KAZN: variants seen among roughly 807,000 people sequenced by gnomAD.
KAZN encodes kazrin.
In KAZN, 40 loss-of-function variants were observed where a neutral mutation model predicts 87.4. The ratio of observed to expected loss-of-function variants is 0.46; its 90% CI spans 0.36 to 0.60. The LOEUF (loss-of-function observed/expected upper bound fraction) is 0.60, where lower values mean the gene tolerates loss of function less well. KAZN is among the 20% of genes least tolerant of loss of function. The pLI is 0.00. For synonymous variants in KAZN, 466 were observed against 458.3 expected, an observed-to-expected ratio of 1.02 and a Z score of -0.22; for missense variants, 898 against 1,073.9, an observed-to-expected ratio of 0.84 and a Z score of 2.29.
rs142381061 is a variant in KAZN, at chr1:14,117,420, C to G, written c.92-63015C>G. The stretch of plus-strand genomic sequence containing the variant: ...GTTGACTGCTGCTATGTGAGACATG[C>G]CTTTCACCTTCCGCCATGATTGTGA... On this transcript the variant is annotated intron_variant, in intron 1 of 16. Coordinates refer to the KAZN transcript ENST00000636203. Among the ~76,000 whole-genome samples, 624 of 152,294 alleles carry G rather than the reference C, an allele frequency of 4.1e-3. 3 individuals carry two copies. The highest frequency in any genetic ancestry group is 6.8e-3 in the Middle Eastern group (2 of 294).
chr1:15,101,816 A>G, intron 11 of KAZN, 42 bp downstream of exon 11: 3 of 1,330,048 alleles, frequency 2.3e-6, no homozygotes, highest in Non-Finnish European at 3.2e-6. Flanking sequence ...TCCACTGCCC[A>G]CCCCTCCCCT....
chr1:14,736,842 CTTCATTCA>C (rs558606219), intron 1 of KAZN, among the ~76,000 whole-genome samples: 4 of 152,124 alleles, frequency 2.6e-5, no homozygotes, highest in African/African-American at 7.2e-5. Flanking sequence ...ATAGCTCCCA[CTTCATTCA>C]TTCATTCATT....
In KAZN at chr1:14,558,318, C is replaced by T. The variant is rs148464524; in HGVS notation, c.250-40665C>T. On this transcript the variant is annotated intron_variant, in intron 2 of 16. Coordinates refer to the KAZN transcript ENST00000636203. ...AGAAGGTAAATGGACCAGCTGGGCT[C>T]AGCTGCAAGTACCAATACTGTGTGT... Among the ~76,000 whole-genome samples, 112 of 152,302 alleles carry T rather than the reference C, an allele frequency of 7.4e-4. 2 individuals carry two copies. In the East Asian group the frequency reaches 0.02, roughly 27 times the overall value.
intron 1 of KAZN, among the ~76,000 whole-genome samples, chr1:14,788,912 T>G (rs1318519142): frequency 6.6e-6 from 1 of 152,104 alleles, no homozygotes; most frequent in Non-Finnish European, 1.5e-5. Flanking sequence ...ATCCCATGGG[T>G]TAAGATCTCC....
intron 2 of KAZN, among the ~76,000 whole-genome samples, chr1:14,271,750 C>T (rs575178473): frequency 1.3e-5 from 2 of 152,228 alleles, no homozygotes; most frequent in South Asian, 4.1e-4. Context: ...GGTCATTGGC[C>T]ATCCCTGATT....
At chr1:14,799,576 A>G (rs896829388) in intron 1 of KAZN, among the ~76,000 whole-genome samples, 1 of 152,212 alleles carries the variant, frequency 6.6e-6, no homozygotes, top group Non-Finnish European at 1.5e-5. Context: ...TGTTAAAATG[A>G]TCAGAAACGG....
At chr1:14,284,978 C>T (rs1653125970) in intron 2 of KAZN, among the ~76,000 whole-genome samples, 1 of 152,188 alleles carries the variant, frequency 6.6e-6, no homozygotes, top group South Asian at 2.1e-4. Flanking sequence ...TTGCCCCCTA[C>T]TCTCCAGAGA....
chr1:14,450,451 G>A (rs559454017), intron 2 of KAZN, among the ~76,000 whole-genome samples: 5 of 152,102 alleles, frequency 3.3e-5, no homozygotes, highest in African/African-American at 7.2e-5. Flanking sequence ...TTAGCCAGAC[G>A]TGGTGGCAGG....
chr1:14,863,285 A>C (rs1337591942), intron 1 of KAZN, among the ~76,000 whole-genome samples: 2 of 152,214 alleles, frequency 1.3e-5, no homozygotes, highest in Non-Finnish European at 1.5e-5. Flanking sequence ...GTGCTCCAAG[A>C]GTCCAAAGAG....
upstream of KAZN, among the ~76,000 whole-genome samples, chr1:14,594,800 C>G (rs572298813): frequency 6.6e-6 from 1 of 152,298 alleles, no homozygotes; most frequent in South Asian, 2.1e-4. Context: ...CCCCCATAGA[C>G]AGGCAAATGG....
intron 1 of KAZN, among the ~76,000 whole-genome samples, chr1:14,730,883 G>A (rs527415854): frequency 6.6e-6 from 1 of 152,190 alleles, no homozygotes; most frequent in East Asian, 1.9e-4. Context: ...CCAAGATGGT[G>A]GCCCTCCCTC....
intron 1 of KAZN, among the ~76,000 whole-genome samples, chr1:14,749,323 T>G (rs1644349076): frequency 6.6e-6 from 1 of 152,216 alleles, no homozygotes; most frequent in Admixed American, 6.5e-5. Flanking sequence ...CTTTCTCCCA[T>G]ACTACCATAA....
chr1:14,396,495 T>C (rs1045189161), intron 2 of KAZN, among the ~76,000 whole-genome samples: 4 of 152,202 alleles, frequency 2.6e-5, no homozygotes, highest in African/African-American at 7.2e-5. Flanking sequence ...TTCTGGAGCA[T>C]TGGCAATGCC....
chr1:14,761,970 T>A (rs1644752694), intron 1 of KAZN, among the ~76,000 whole-genome samples: 1 of 149,316 alleles, frequency 6.7e-6, no homozygotes, highest in Non-Finnish European at 1.5e-5. Context: ...AACAGATGCA[T>A]CCTGTGTGTG....
chr1:14,294,516 A>G lies in KAZN; in HGVS notation c.249+113924A>G, dbSNP rs142190042. Among the ~76,000 whole-genome samples, 303 of 152,046 alleles carry G rather than the reference A, an allele frequency of 2.0e-3. 1 individual carries two copies. The highest frequency in any genetic ancestry group is 6.5e-3 in the African/African-American group (270 of 41,518). On this transcript the variant is annotated intron_variant, in intron 2 of 16. Transcript: ENST00000636203. ...CATTTAACAGATGAGGCCACTGAGG[A>G]TCAGAGAGGTTTTGTGACTTAACCA...
chr1:14,862,803 A>G (rs3845596), intron 1 of KAZN, among the ~76,000 whole-genome samples: 71,144 of 152,034 alleles, frequency 0.47, 18,478 homozygotes, highest in African/African-American at 0.68. Flanking sequence ...CAGGACACAG[A>G]ACCAATTTCA....
intron 1 of KAZN, among the ~76,000 whole-genome samples, chr1:14,831,850 G>A (rs1647057553): frequency 6.6e-6 from 1 of 152,032 alleles, no homozygotes; most frequent in Admixed American, 6.6e-5. Context: ...GTATTATTCA[G>A]GACTCTGGGT....
intron 1 of KAZN, among the ~76,000 whole-genome samples, chr1:14,605,466 G>A (rs1677286691): frequency 6.6e-6 from 1 of 152,074 alleles, no homozygotes; most frequent in Admixed American, 6.5e-5. Context: ...CGTAAACATA[G>A]CATAATATAA....
At chr1:14,068,191 A>G (rs1261785939) in intron 1 of KAZN, among the ~76,000 whole-genome samples, 2 of 152,218 alleles carry the variant, frequency 1.3e-5, no homozygotes, top group Non-Finnish European at 2.9e-5. Context: ...AATTACTGCA[A>G]AGTAGACTTC....
Sources: allele counts gnomAD v4.1 joint callset (sites outside exome capture counted in the v4.1 genomes callset), GRCh38; gene constraint gnomAD v4.1.1; transcripts MANE v1.5; gene names NCBI Gene and HGNC (gene_info 2026-07-23, HGNC 2026-07-21).